C4orf50: variants seen among roughly 807,000 people sequenced by gnomAD.
C4orf50 encodes uncharacterized protein C4orf50.
In C4orf50, 80 loss-of-function variants were observed where a neutral mutation model predicts 77.2. The observed-to-expected ratio is 1.04, with a 90% CI of 0.87 to 1.25. The LOEUF is 1.25. Among genes scored for constraint, C4orf50 ranks in the 50% most tolerant of loss-of-function variants. The pLI is 0.00. For missense variants in C4orf50, 1,257 were observed against 1,152.9 expected (o/e 1.09, Z -1.31); for synonymous variants, 532 against 465.3 (o/e 1.14, Z -1.84).
At chr4:5,956,627 A>C (rs1718971212), downstream of C4orf50, 1 of 139,082 alleles carries the variant, frequency 7.2e-6, no homozygotes, top group South Asian at 2.2e-4. Context: ...CCTCAGGCCA[A>C]GCCAACCCTC....
At chr4:5,925,821 G>A (rs942489751) in intron 7 of C4orf50, among the ~76,000 whole-genome samples, 3 of 152,374 alleles carry the variant, frequency 2.0e-5, no homozygotes, top group South Asian at 2.1e-4. Context: ...CCTTGGCAGC[G>A]GGGGATGAGC....
At chr4:5,975,253 G>A (rs1720200740) in intron 30 of C4orf50, among the ~76,000 whole-genome samples, 1 of 151,042 alleles carries the variant, frequency 6.6e-6, no homozygotes, top group Admixed American at 6.6e-5. Flanking sequence ...TGAGCACAGA[G>A]CGCAGGGGTG....
exon 34 of C4orf50, chr4:5,959,056 T>G (rs1477531556): frequency 3.9e-6 from 1 of 254,188 alleles, no homozygotes; most frequent in Non-Finnish European, 7.6e-6. Context: ...TCTCCAGACA[T>G]GGCCAGATTT....
chr4:5,994,209 A>G (rs1369936623), intron 26 of C4orf50, 138 bp downstream of exon 4: 1 of 395,070 alleles, frequency 2.5e-6, no homozygotes, highest in African/African-American at 2.1e-5. Context: ...TACCTCTCTG[A>G]GCCTCGATTC....
At chr4:5,990,271 T>C in exon 28 of C4orf50, 8 of 1,215,900 alleles carry the variant, frequency 6.6e-6, no homozygotes, top group Non-Finnish European at 8.2e-6. Context: ...AGCCCCATTC[T>C]CCAAGCTCAG....
intron 25 of C4orf50, among the ~76,000 whole-genome samples, chr4:6,004,107 ATGG>A (rs1722048188): frequency 9.2e-6 from 1 of 108,714 alleles, no homozygotes; most frequent in African/African-American, 3.6e-5. Context: ...GATGATGGTG[ATGG>A]TGATGATGGT....
In C4orf50 at chr4:5,970,305, C is replaced by G. The variant is rs902498453; in HGVS notation, c.4105-2843G>C. Among the ~76,000 whole-genome samples, 4 of 152,150 alleles carry G rather than the reference C, an allele frequency of 2.6e-5. No homozygotes were observed. The highest frequency in any genetic ancestry group is 9.7e-5 in the African/African-American group (4 of 41,440). ...AGAGGTTTTAGGAATCCGAGAACAG[C>G]CTTCCCTGAGGGACCATCTCCAGCT... On this transcript the variant is annotated intron_variant, in intron 31 of 33. Coordinates refer to ENST00000531445, the Ensembl canonical transcript of C4orf50. The surrounding 1 kb of genome is among the most constrained non-coding windows in gnomAD (Gnocchi z 4.3).
At chr4:5,906,834 A>G (rs189045032) in intron 7 of C4orf50, among the ~76,000 whole-genome samples, 12 of 152,286 alleles carry the variant, frequency 7.9e-5, no homozygotes, top group African/African-American at 2.9e-4. Context: ...TTTTTTGAGG[A>G]AGGAATAAGC....
chr4:5,914,815 T>C (rs571831449), intron 7 of C4orf50, among the ~76,000 whole-genome samples: 4 of 152,236 alleles, frequency 2.6e-5, no homozygotes, highest in African/African-American at 9.6e-5. Context: ...AGTAAGTTAA[T>C]GTAGCCTGGG....
At chr4:5,952,677 A>G (rs1718781932), downstream of C4orf50, among the ~76,000 whole-genome samples, 1 of 152,206 alleles carries the variant, frequency 6.6e-6, no homozygotes, top group Admixed American at 6.5e-5. The surrounding 1 kb of genome is among the most constrained non-coding windows in gnomAD (Gnocchi z 4.4). Flanking sequence ...TAAAGAAAGA[A>G]ACTGGCTGGC....
At chr4:5,952,376 C>T (rs966714777), downstream of C4orf50, among the ~76,000 whole-genome samples, 3 of 152,182 alleles carry the variant, frequency 2.0e-5, no homozygotes, top group Non-Finnish European at 2.9e-5. This position sits in a 1 kb window ranked among gnomAD's most constrained non-coding sequence, Gnocchi z 4.4. Context: ...AGAAGCCAGC[C>T]GAATTGCACC....
chr4:5,936,428 G>T (rs982766003), intron 7 of C4orf50, among the ~76,000 whole-genome samples: 24 of 151,964 alleles, frequency 1.6e-4, no homozygotes, highest in Non-Finnish European at 2.6e-4. Context: ...CAGTCGTGGT[G>T]GCGGGCGCCT....
chr4:5,954,561 G>T (rs1462058249), downstream of C4orf50, among the ~76,000 whole-genome samples: 1 of 152,138 alleles, frequency 6.6e-6, no homozygotes, highest in Admixed American at 6.5e-5. The surrounding 1 kb of genome is among the most constrained non-coding windows in gnomAD (Gnocchi z 4.7). Flanking sequence ...CAGCAAAGCT[G>T]ACCTCCATTC....
intron 28 of C4orf50, among the ~76,000 whole-genome samples, chr4:5,981,462 T>C (rs1034969296): frequency 6.8e-6 from 1 of 146,106 alleles, no homozygotes; most frequent in Admixed American, 7.3e-5. Context: ...TGGAGTGCAA[T>C]GGCATGACCT....
At chr4:5,930,100 G>A (rs573976187) in intron 7 of C4orf50, among the ~76,000 whole-genome samples, 1 of 152,330 alleles carries the variant, frequency 6.6e-6, no homozygotes, top group East Asian at 1.9e-4. Flanking sequence ...CATGAAAGAG[G>A]CTGCTCTGTA....
chr4:5,988,365 G>A, exon 28 of C4orf50: 1 of 1,614,042 alleles, frequency 6.2e-7, no homozygotes, highest in Non-Finnish European at 8.5e-7. Context: ...CATTGCTCAG[G>A]GAGCTCAGAG....
intron 24 of C4orf50, among the ~76,000 whole-genome samples, chr4:6,010,697 G>A (rs528173604): frequency 5.3e-5 from 8 of 152,348 alleles, no homozygotes; most frequent in Non-Finnish European, 5.9e-5. Context: ...CAGCAGACTA[G>A]AACAGGATGC....
rs906588404 is a variant in C4orf50 at position 6,007,830 on chromosome 4, T to C, written c.963+166A>G. Among the ~76,000 whole-genome samples, 1 of 5,200 alleles carries C rather than the reference T, an allele frequency of 1.9e-4. No individual in the cohort carries two copies. The highest frequency in any genetic ancestry group is 6.6e-4 in the African/African-American group (1 of 1,510). 3.4% of individuals were successfully genotyped at this position (5,200 alleles called of 152,430 possible). A position where few individuals can be genotyped will look rare whatever the true frequency, so the allele number is the denominator to read the frequency against. On this transcript the variant is annotated intron_variant, in intron 25 of 33. Coordinates refer to ENST00000531445, the Ensembl canonical transcript of C4orf50. This position sits in a 1 kb window ranked among gnomAD's most constrained non-coding sequence, Gnocchi z 4.1. ...ATGTGAGGTTAGATGGGAGGGTGGGTGGGGAGGTGAGTAGATGCAGTGAAG... is the reference window on the plus strand; with the variant it reads ...ATGTGAGGTTAGATGGGAGGGTGGGCGGGGAGGTGAGTAGATGCAGTGAAG...
rs1261531198 is a variant in C4orf50 at position 5,932,466 on chromosome 4, T to C, written c.*2474+24435A>G. ...GTGGTGGGAACATTACAGTGTTTGT[T>C]TGTTTTGGAGCCTGGCTGGAGTGCC... On this transcript the variant is annotated intron_variant, in intron 7 of 7. Transcript: ENST00000324058. The surrounding 1 kb of genome is among the most constrained non-coding windows in gnomAD (Gnocchi z 4.2). Among the ~76,000 whole-genome samples, 1 of 152,106 alleles carries C rather than the reference T, an allele frequency of 6.6e-6. No individual in the cohort carries two copies. Among genetic ancestry groups the C allele is most frequent in the Non-Finnish European group, 1.5e-5 (1 of 68,028 alleles).
Sources: allele counts gnomAD v4.1 joint callset (sites outside exome capture counted in the v4.1 genomes callset), GRCh38; gene constraint gnomAD v4.1.1; non-coding constraint Gnocchi (gnomAD v3.1); transcripts MANE v1.5; gene names NCBI Gene and HGNC (gene_info 2026-07-23, HGNC 2026-07-21).